The following ATP2B2 variants were observed in gnomAD, a reference collection of about 807,000 sequenced individuals.
ATP2B2 encodes the protein plasma membrane calcium-transporting ATPase 2.
A neutral mutation model predicts 120.0 loss-of-function variants in ATP2B2; 15 were observed. That is an observed-to-expected ratio of 0.12 (90% CI 0.08 to 0.19). ATP2B2 has a LOEUF of 0.19. Ranked by LOEUF, ATP2B2 falls within the 10% of genes least tolerant of loss-of-function variation. The pLI, the probability that ATP2B2 is intolerant of heterozygous loss-of-function variation, is 1.00. For missense variants in ATP2B2, 1,045 were observed against 1,719.8 expected (o/e 0.61, Z 6.94); for synonymous variants, 694 against 700.3 (o/e 0.99, Z 0.14).
upstream of ATP2B2, among the ~76,000 whole-genome samples, chr3:10,506,251 G>A (rs372791661): frequency 1.3e-5 from 2 of 152,108 alleles, no homozygotes; most frequent in Non-Finnish European, 2.9e-5. Flanking sequence ...CCTGCGACCC[G>A]CCCTGCCTGT....
intron 1 of ATP2B2, among the ~76,000 whole-genome samples, chr3:10,701,000 G>C (rs2071809481): frequency 6.6e-6 from 1 of 152,240 alleles, no homozygotes; most frequent in Non-Finnish European, 1.5e-5. Flanking sequence ...AATGTCAAAA[G>C]AGGTAAACCA....
chr3:10,338,122 T>A, intron 22 of ATP2B2, 54 bp downstream of exon 22: 2 of 1,607,802 alleles, frequency 1.2e-6, no homozygotes, highest in Non-Finnish European at 1.7e-6. Context: ...CTCACCTCCA[T>A]CCCCTGGCCC....
chr3:10,413,972 G>A (rs2062698624), intron 2 of ATP2B2, among the ~76,000 whole-genome samples: 1 of 152,194 alleles, frequency 6.6e-6, no homozygotes, highest in African/African-American at 2.4e-5. Context: ...GCTTTGGCCA[G>A]CCAATTCCCT....
At chr3:10,577,796 A>G (rs1365908699) in intron 2 of ATP2B2, among the ~76,000 whole-genome samples, 6 of 152,232 alleles carry the variant, frequency 3.9e-5, no homozygotes, top group Non-Finnish European at 8.8e-5. Context: ...GGGATGCCAG[A>G]GGGAACCCGA....
intron 3 of ATP2B2, among the ~76,000 whole-genome samples, chr3:10,524,669 T>A (rs1313784659): frequency 1.3e-5 from 2 of 152,150 alleles, no homozygotes; most frequent in African/African-American, 4.8e-5. Context: ...CTCCCTCATG[T>A]CAATCAACTC....
chr3:10,341,957 A>G (rs7637957), intron 19 of ATP2B2, among the ~76,000 whole-genome samples: 13,044 of 152,348 alleles, frequency 0.086, 1,776 homozygotes, highest in African/African-American at 0.29. Flanking sequence ...CTTTGAGGAC[A>G]AGTGAAAGGC....
intron 2 of ATP2B2, among the ~76,000 whole-genome samples, chr3:10,582,221 C>G (rs13066711): frequency 0.46 from 69,932 of 151,908 alleles, 16,325 homozygotes; most frequent in South Asian, 0.59. Flanking sequence ...GGGATCTGGG[C>G]GTGTTGGCCA....
chr3:10,388,524 C>T (rs1034234411), intron 5 of ATP2B2, 122 bp from the exon 6 acceptor site: 1 of 1,423,838 alleles, frequency 7.0e-7, no homozygotes. Context: ...TGGGGCATCA[C>T]CTATGGTTAA....
rs751381940 is a variant in ATP2B2, at chr3:10,402,107, T to C, written c.639A>G (p.Ile213Met). The C allele has an allele frequency of 5.0e-6, 8 of 1,614,070 alleles. No individual in the cohort carries two copies. In the Admixed American group the frequency reaches 1.2e-4, roughly 24 times the overall value. Reference protein sequence around the residue: ...IPVAEIVVGDIAQVKYGDLLP... With the variant: ...IPVAEIVVGDMAQVKYGDLLP... ...GACACTTACCATATTTGACCTGGGC[T>C]ATGTCCCCAACCACGATCTCAGCCA... The change falls in exon 4 of 23, where the codon ATA becomes ATG. Residue 213 changes from isoleucine (I) to methionine (M), a missense_variant. By Grantham distance (10) the Ile-to-Met change is conservative (BLOSUM62 1). Transcript: ENST00000360273. This position sits in a 1 kb window ranked among gnomAD's most constrained non-coding sequence, Gnocchi z 4.9.
At chr3:10,489,645 C>T (rs1441254621) in intron 1 of ATP2B2, among the ~76,000 whole-genome samples, 1 of 152,110 alleles carries the variant, frequency 6.6e-6, no homozygotes, top group Non-Finnish European at 1.5e-5. Context: ...ACCATGCCTC[C>T]CCTCTCCCTG....
At chr3:10,679,089 G>A (rs1293529734) in intron 1 of ATP2B2, among the ~76,000 whole-genome samples, 1 of 152,050 alleles carries the variant, frequency 6.6e-6, no homozygotes, top group Non-Finnish European at 1.5e-5. Context: ...CAGCTGCAAG[G>A]AAATGAATTT....
At chr3:10,341,370 G>A (rs709643) in intron 19 of ATP2B2, among the ~76,000 whole-genome samples, 66,481 of 151,974 alleles carry the variant, frequency 0.44, 14,946 homozygotes, top group South Asian at 0.64. Flanking sequence ...GAGGACAGTG[G>A]CGTGATCTCA....
At chr3:10,338,078 C>T in intron 22 of ATP2B2, 98 bp downstream of exon 22, 1 of 1,533,840 alleles carries the variant, frequency 6.5e-7, no homozygotes, top group East Asian at 2.3e-5. Context: ...TCCCTCAGCA[C>T]CAGAGCTGGG....
chr3:10,555,073 C>T (rs902663423), intron 2 of ATP2B2, among the ~76,000 whole-genome samples: 10 of 152,212 alleles, frequency 6.6e-5, no homozygotes, highest in African/African-American at 1.4e-4. Flanking sequence ...TCCTCCTTTT[C>T]GCCCCTGCCA....
rs533539346 is a variant in ATP2B2 at position 10,342,448 on chromosome 3, G to A, written c.2917+304C>T. On this transcript the variant is annotated intron_variant, in intron 19 of 22. Coordinates refer to ENST00000360273, the MANE Select transcript of ATP2B2 (RefSeq NM_001001331.4). The surrounding 1 kb of genome is among the most constrained non-coding windows in gnomAD (Gnocchi z 4.4). ...CCCTCCCAGCCTCAGGTGCCTCTGG[G>A]GCTGCCATGCAGTGCTTCAGCACCC... 6.6e-6 allele frequency among the ~76,000 whole-genome samples: 1 copy of A among 152,332 alleles called. No homozygotes were observed. Among genetic ancestry groups the A allele is most frequent in the East Asian group, 1.9e-4 (1 of 5,184 alleles).
At chr3:10,457,078 T>C (rs371009079) in intron 1 of ATP2B2, among the ~76,000 whole-genome samples, 6 of 152,142 alleles carry the variant, frequency 3.9e-5, no homozygotes, top group African/African-American at 1.4e-4. Flanking sequence ...TAAGCAGGCA[T>C]GCCAATGTGA....
At chr3:10,413,588 C>T (rs2062686019) in intron 2 of ATP2B2, among the ~76,000 whole-genome samples, 1 of 152,192 alleles carries the variant, frequency 6.6e-6, no homozygotes, top group Admixed American at 6.5e-5. Context: ...ACACTTCCTC[C>T]ACTGTTCTGT....
intron 2 of ATP2B2, among the ~76,000 whole-genome samples, chr3:10,584,769 A>G (rs940232916): frequency 6.6e-6 from 1 of 152,108 alleles, no homozygotes; most frequent in African/African-American, 2.4e-5. Flanking sequence ...TCCACACACA[A>G]ATACCCACCT....
At chr3:10,335,683 C>T (rs1446460524) in intron 22 of ATP2B2, among the ~76,000 whole-genome samples, 1 of 152,226 alleles carries the variant, frequency 6.6e-6, no homozygotes, top group African/African-American at 2.4e-5. Flanking sequence ...CTGACTTTGA[C>T]TGCAAGACTG....
Sources: gnomAD v4.1 joint callset for allele counts (sites outside exome capture counted in the v4.1 genomes callset) on GRCh38, gnomAD v4.1.1 for gene constraint, Gnocchi (gnomAD v3.1) non-coding constraint, MANE v1.5 for transcripts, NCBI Gene and HGNC (gene_info 2026-07-23, HGNC 2026-07-21) for gene names.